The following ATP6V1B2 variants were observed in gnomAD, a reference collection of about 807,000 sequenced individuals.
The protein encoded by ATP6V1B2 is V-type proton ATPase subunit B, brain isoform.
In ATP6V1B2, 23 loss-of-function variants were observed where a neutral mutation model predicts 66.7. That is an observed-to-expected ratio of 0.34 (90% CI 0.25 to 0.49). The LOEUF is 0.49. ATP6V1B2 is among the 20% of genes least tolerant of loss of function. The pLI is 0.99. For synonymous variants in ATP6V1B2, 278 were observed against 236.7 expected (o/e 1.17, Z -1.60); for missense variants, 478 against 650.8 (o/e 0.73, Z 2.89).
chr8:20,209,375 A>G, intron 2 of ATP6V1B2, 58 bp from the exon 3 acceptor site: 2 of 1,491,962 alleles, frequency 1.3e-6, no homozygotes, highest in South Asian at 1.1e-5. Context: ...GAGCATGTGT[A>G]GTAATTTGGG....
At chr8:20,208,355 A>AC (rs1248069324) in intron 2 of ATP6V1B2, among the ~76,000 whole-genome samples, 1 of 152,224 alleles carries the variant, frequency 6.6e-6, no homozygotes, top group African/African-American at 2.4e-5. Flanking sequence ...TAACATTAAT[A>AC]CTAAGGTGCC....
intron 2 of ATP6V1B2, 53 bp from the exon 3 acceptor site, chr8:20,209,380 T>G: frequency 6.5e-7 from 1 of 1,534,530 alleles, no homozygotes; most frequent in Non-Finnish European, 9.0e-7. Context: ...TGTGTAGTAA[T>G]TTGGGGGGCT....
intron 10 of ATP6V1B2, 180 bp from the exon 11 acceptor site, chr8:20,216,233 T>C (rs2072853176): frequency 8.0e-6 from 4 of 500,380 alleles, no homozygotes; most frequent in Non-Finnish European, 1.4e-5. Context: ...GCTACCGTAC[T>C]GCACAGCACA....
At position 20,201,997 on chromosome 8, in the gene ATP6V1B2, A is replaced by G. The variant is rs141873234; in HGVS notation, c.137-2487A>G. Among the ~76,000 whole-genome samples, 56 of 152,090 alleles carry G rather than the reference A, an allele frequency of 3.7e-4. No individual in the cohort carries two copies. The South Asian group carries it at 9.8e-3, about 27-fold the overall frequency. The stretch of plus-strand genomic sequence containing the variant: ...GTTACCTTCACATGATAATTCATTA[A>G]CCCATGAATGGATTCATCCATTCAT... On this transcript the variant is annotated intron_variant, in intron 1 of 13. Transcript: ENST00000276390.
At chr8:20,199,682 C>T (rs1466574270) in intron 1 of ATP6V1B2, among the ~76,000 whole-genome samples, 3 of 136,758 alleles carry the variant, frequency 2.2e-5, no homozygotes, top group African/African-American at 8.2e-5. Flanking sequence ...GCGATCTAGG[C>T]TCGCTGCAAC....
intron 11 of ATP6V1B2, 42 bp from the exon 12 acceptor site, chr8:20,217,178 T>C: frequency 6.6e-7 from 1 of 1,505,858 alleles, no homozygotes; most frequent in Non-Finnish European, 9.2e-7. Flanking sequence ...ACTTGAGTTT[T>C]GTACTTAAAT....
intron 1 of ATP6V1B2, among the ~76,000 whole-genome samples, chr8:20,200,218 A>T (rs903323771): frequency 2.0e-5 from 3 of 149,778 alleles, no homozygotes; most frequent in Non-Finnish European, 4.5e-5. Context: ...GGATTTCCCC[A>T]TGTTGCCCAG....
chr8:20,212,817 C>G lies in ATP6V1B2; in HGVS notation c.839C>G (p.Thr280Ser), dbSNP rs755815167. The G allele has an allele frequency of 6.2e-7, 1 of 1,613,818 alleles. No individual in the cohort carries two copies. The highest frequency in any genetic ancestry group is 8.5e-7 in the Non-Finnish European group (1 of 1,179,782). Residue 280 changes from threonine (T) to serine (S), a missense_variant, in exon 9 of 14, where the codon ACC becomes AGC. This residue lies in a region of ATP6V1B2 where 326 missense variants were observed against 545.6 expected (regional missense o/e 0.60). Transcript: ENST00000276390. ...ATTATCACTCCTCGCCTGGCTCTAA[C>G]CACAGCTGAATTTCTGGCGTACCAA... is the stretch of plus-strand genomic sequence containing the variant. Reference protein sequence around the residue: ...ERIITPRLALTTAEFLAYQCE... With the variant: ...ERIITPRLALSTAEFLAYQCE...
chr8:20,214,891 T>C lies in ATP6V1B2; in HGVS notation c.1001T>C (p.Ile334Thr). 6.2e-7 allele frequency: 1 copy of C among 1,613,636 alleles called. No individual in the cohort carries two copies. Among genetic ancestry groups the C allele is most frequent in the Non-Finnish European group, 8.5e-7 (1 of 1,179,708 alleles). Residue 334 changes from isoleucine (I) to threonine (T), a missense_variant, in exon 10 of 14, where the codon ATA becomes ACA. Physicochemically the swap from Ile to Thr is moderately conservative, Grantham distance 89. This residue lies in a region of ATP6V1B2 where 326 missense variants were observed against 545.6 expected (regional missense o/e 0.60). Transcript: ENST00000276390. ...PGYMYTDLAT[I>T]YERAGRVEGR... Reference sequence around the variant, plus strand: ...TACATGTATACAGATTTAGCCACGATATATGAACGCGCTGGGCGAGTGGAA... The same window carrying C: ...TACATGTATACAGATTTAGCCACGACATATGAACGCGCTGGGCGAGTGGAA...
chr8:20,198,290 G>C (rs554390002), intron 1 of ATP6V1B2, among the ~76,000 whole-genome samples: 2 of 152,306 alleles, frequency 1.3e-5, no homozygotes, highest in African/African-American at 2.4e-5. Context: ...TTTTTCTACC[G>C]TTGCCTCTTC....
intron 1 of ATP6V1B2, among the ~76,000 whole-genome samples, chr8:20,203,666 C>G (rs2072708898): frequency 6.6e-6 from 1 of 152,056 alleles, no homozygotes; most frequent in Non-Finnish European, 1.5e-5. Flanking sequence ...TAGAATTACT[C>G]TCCCCTGAGT....
At position 20,220,517 on chromosome 8, in the gene ATP6V1B2, T is replaced by G; in HGVS notation, c.*115T>G. On this transcript the variant is annotated 3_prime_UTR_variant, in exon 14 of 14. Transcript: ENST00000276390. ...GGAGTTTACCATGTTACCCTGTAAT[T>G]AAAAACAAAGAATAGGTAACATATT... 1 of 1,365,082 alleles carries G rather than the reference T, an allele frequency of 7.3e-7. No individual in the cohort carries two copies. The highest frequency in any genetic ancestry group is 9.6e-7 in the Non-Finnish European group (1 of 1,037,592). 84.6% of individuals were successfully genotyped at this position (1,365,082 alleles called of 1,614,324 possible).
intron 9 of ATP6V1B2, 76 bp downstream of exon 9, chr8:20,212,981 T>C: frequency 6.4e-7 from 1 of 1,571,162 alleles, no homozygotes; most frequent in South Asian, 1.1e-5. Context: ...TTTGCAAGTT[T>C]TCATTCTTTA....
chr8:20,216,325 T>G, intron 10 of ATP6V1B2, 88 bp from the exon 11 acceptor site: 1 of 1,177,548 alleles, frequency 8.5e-7, no homozygotes. Context: ...CAGAGGGACT[T>G]TTTGTGGGTT....
chr8:20,205,708 T>C (rs1391225410), intron 2 of ATP6V1B2, among the ~76,000 whole-genome samples: 1 of 152,176 alleles, frequency 6.6e-6, no homozygotes, highest in Admixed American at 6.5e-5. Flanking sequence ...TCAGGCAAAT[T>C]ATATCAGAAT....
At chr8:20,218,921 G>A (rs1270051924) in intron 13 of ATP6V1B2, among the ~76,000 whole-genome samples, 1 of 152,092 alleles carries the variant, frequency 6.6e-6, no homozygotes, top group Non-Finnish European at 1.5e-5. Flanking sequence ...GCCTAGCAGT[G>A]CCCTTTCAAT....
At chr8:20,212,695 G>A in intron 8 of ATP6V1B2, 87 bp from the exon 9 acceptor site, 2 of 1,540,294 alleles carry the variant, frequency 1.3e-6, no homozygotes, top group Non-Finnish European at 1.8e-6. Context: ...AAGGGGAATT[G>A]TACTGTTATT....
intron 5 of ATP6V1B2, 142 bp from the exon 6 acceptor site, chr8:20,211,035 A>AT (rs140226753): frequency 6.6e-5 from 73 of 1,112,238 alleles, no homozygotes; most frequent in South Asian, 1.1e-4. Flanking sequence ...AAAATAACTG[A>AT]TTTTTTTTGT....
chr8:20,215,129 G>A (rs929972624), intron 10 of ATP6V1B2, 161 bp downstream of exon 10: 3 of 835,732 alleles, frequency 3.6e-6, no homozygotes, highest in Admixed American at 3.5e-5. Flanking sequence ...ATTACCCACA[G>A]TTATTATCCT....
Sources: allele counts gnomAD v4.1 joint callset (sites outside exome capture counted in the v4.1 genomes callset), GRCh38; gene constraint gnomAD v4.1.1; regional missense constraint gnomAD v4.1.1; transcripts MANE v1.5; gene names NCBI Gene and HGNC (gene_info 2026-07-23, HGNC 2026-07-21).